Variants in HOOK3 observed in about 807,000 individuals in gnomAD.
The protein encoded by HOOK3 is hook microtubule tethering protein 3.
A neutral mutation model predicts 116.3 loss-of-function variants in HOOK3; 24 were observed. The observed-to-expected ratio is 0.21, with a 90% CI of 0.15 to 0.29. HOOK3 has a LOEUF of 0.29. HOOK3 is among the 10% of genes least tolerant of loss of function. HOOK3 has a pLI of 1.00. For missense variants in HOOK3, 632 were observed against 830.2 expected, an observed-to-expected ratio of 0.76 and a Z score of 2.93; for synonymous variants, 275 against 283.0, an observed-to-expected ratio of 0.97 and a Z score of 0.28.
chr8:43,000,550 T>A (rs1809360176), intron 16 of HOOK3, among the ~76,000 whole-genome samples: 1 of 152,170 alleles, frequency 6.6e-6, no homozygotes, highest in African/African-American at 2.4e-5. Flanking sequence ...TTATATAAAT[T>A]ATCTTGATAC....
intron 8 of HOOK3, among the ~76,000 whole-genome samples, chr8:42,962,768 T>G (rs1586611710): frequency 6.6e-6 from 1 of 151,514 alleles, no homozygotes; most frequent in South Asian, 2.1e-4. Context: ...GCCAAATATA[T>G]TGACTTTTTT....
At chr8:42,935,839 T>C (rs1287300674) in intron 4 of HOOK3, among the ~76,000 whole-genome samples, 1 of 152,240 alleles carries the variant, frequency 6.6e-6, no homozygotes, top group Non-Finnish European at 1.5e-5. Context: ...CCTCCAACTT[T>C]GTTCTTTTTG....
intron 19 of HOOK3, among the ~76,000 whole-genome samples, chr8:43,011,053 C>T (rs919081329): frequency 6.6e-6 from 1 of 151,604 alleles, no homozygotes; most frequent in Non-Finnish European, 1.5e-5. Context: ...AGTACAGTGG[C>T]ACGATCTTGG....
chr8:42,985,515 A>G (rs776340394), intron 14 of HOOK3, among the ~76,000 whole-genome samples: 3 of 152,198 alleles, frequency 2.0e-5, no homozygotes, highest in Non-Finnish European at 4.4e-5. Flanking sequence ...TTAGAAGGCT[A>G]TATTTCAGCA....
chr8:42,962,654 C>T (rs1306981157), intron 8 of HOOK3, among the ~76,000 whole-genome samples: 1 of 152,004 alleles, frequency 6.6e-6, no homozygotes, highest in Admixed American at 6.6e-5. Context: ...ATCCTCCTCC[C>T]TCAGTCTCCC....
intron 7 of HOOK3, 122 bp from the exon 8 acceptor site, chr8:42,959,109 C>T (rs754172046): frequency 1.6e-6 from 1 of 638,118 alleles, no homozygotes; most frequent in South Asian, 1.9e-5. Context: ...TCTTGATTTC[C>T]TCTTGCACCC....
In HOOK3 at chr8:43,009,047, G is replaced by A. The variant is rs541122308; in HGVS notation, c.1738+1118G>A. The stretch of plus-strand genomic sequence containing the variant: ...GCAATTTGGCAGGCCAAGGTAGGAG[G>A]ATTGCTTGAGCCCAGGAGTTCAAGA... On this transcript the variant is annotated intron_variant, in intron 18 of 21. Coordinates refer to ENST00000307602, the MANE Select transcript of HOOK3 (RefSeq NM_032410.4). Among the ~76,000 whole-genome samples the A allele has an allele frequency of 3.4e-3, 511 of 152,192 alleles. 4 individuals are homozygous for A. Among genetic ancestry groups the A allele is most frequent in the Admixed American group, 6.7e-3 (103 of 15,280 alleles).
intron 9 of HOOK3, 36 bp downstream of exon 9, chr8:42,964,510 A>G (rs780221370): frequency 3.1e-5 from 50 of 1,592,862 alleles, no homozygotes; most frequent in Non-Finnish European, 4.2e-5. Flanking sequence ...ATTTTTAAAA[A>G]TTTGTTAGCT....
chr8:42,925,654 A>C (rs1334955990), intron 3 of HOOK3, 25 bp downstream of exon 3: 1 of 1,455,336 alleles, frequency 6.9e-7, no homozygotes, highest in Non-Finnish European at 9.5e-7. Context: ...CACCTGTTAA[A>C]TCTTTAAATA....
intron 8 of HOOK3, among the ~76,000 whole-genome samples, chr8:42,959,718 GAAAAAAAAAA>G (rs529721762): frequency 7.9e-4 from 23 of 29,048 alleles, no homozygotes; most frequent in African/African-American, 2.7e-3. Flanking sequence ...GACTACATCT[GAAAAAAAAAA>G]AAAAAAAAAA....
At chr8:42,901,278 C>T (rs1225344059) in intron 1 of HOOK3, among the ~76,000 whole-genome samples, 1 of 152,158 alleles carries the variant, frequency 6.6e-6, no homozygotes, top group Non-Finnish European at 1.5e-5. Context: ...TATAACCCTT[C>T]AGGTAGAGTT....
intron 13 of HOOK3, among the ~76,000 whole-genome samples, chr8:42,982,365 A>G (rs1254219285): frequency 6.6e-6 from 1 of 151,208 alleles, no homozygotes; most frequent in East Asian, 1.9e-4. Flanking sequence ...TGTGATTTGG[A>G]TGATGAAAAA....
rs1275485982 is a variant in HOOK3 at position 43,030,170 on chromosome 8, G to C, written c.*11672G>C. On this transcript the variant is annotated 3_prime_UTR_variant, in exon 22 of 22. Coordinates refer to ENST00000307602, the MANE Select transcript of HOOK3 (RefSeq NM_032410.4). ...CAACCATTTACTATGTGTTGAGATT[G>C]GTGGGTTTTCTGGCTGTTTTTCTGA... The C allele has an allele frequency of 4.9e-6, 1 of 202,972 alleles. No homozygotes were observed. Among genetic ancestry groups the C allele is most frequent in the East Asian group, 7.6e-5 (1 of 13,162 alleles). 12.6% of individuals were successfully genotyped at this position (202,972 alleles called of 1,614,324 possible).
At chr8:42,905,299 T>G (rs1436095265) in intron 1 of HOOK3, among the ~76,000 whole-genome samples, 2 of 145,716 alleles carry the variant, frequency 1.4e-5, no homozygotes, top group Admixed American at 1.4e-4. Context: ...ATAGTTCTTT[T>G]TTTTTTTTTT....
At chr8:42,927,493 T>C (rs1586594910) in intron 3 of HOOK3, among the ~76,000 whole-genome samples, 1 of 152,146 alleles carries the variant, frequency 6.6e-6, no homozygotes, top group Non-Finnish European at 1.5e-5. Flanking sequence ...TAACCTCAGG[T>C]GATCTGCCCG....
chr8:43,009,130 G>A (rs527870858), intron 18 of HOOK3, among the ~76,000 whole-genome samples: 260 of 151,812 alleles, frequency 1.7e-3, no homozygotes, highest in African/African-American at 6.1e-3. Context: ...GGCCAGCAAC[G>A]GTGGCTCACT....
intron 2 of HOOK3, among the ~76,000 whole-genome samples, chr8:42,912,658 C>T (rs1807453368): frequency 1.3e-5 from 2 of 149,148 alleles, no homozygotes; most frequent in African/African-American, 5.0e-5. Flanking sequence ...TGAGTTCCCA[C>T]ATCCTCCTTG....
intron 15 of HOOK3, among the ~76,000 whole-genome samples, chr8:42,991,473 G>A (rs1809160009): frequency 6.8e-6 from 1 of 147,624 alleles, no homozygotes; most frequent in African/African-American, 2.5e-5. Context: ...CACTATCTCA[G>A]CTCATTGCAA....
chr8:42,996,072 T>C (rs1290397621), intron 15 of HOOK3, among the ~76,000 whole-genome samples: 1 of 152,134 alleles, frequency 6.6e-6, no homozygotes, highest in Non-Finnish European at 1.5e-5. Context: ...TGTTGCATCA[T>C]GACCTAGAGA....
Sources: gnomAD v4.1 joint callset for allele counts (sites outside exome capture counted in the v4.1 genomes callset) on GRCh38, gnomAD v4.1.1 for gene constraint, MANE v1.5 for transcripts, NCBI Gene and HGNC (gene_info 2026-07-23, HGNC 2026-07-21) for gene names.